ETV1: variants seen among roughly 807,000 people sequenced by gnomAD.
ETV1 encodes the protein ETS translocation variant 1.
ETV1 carries 27 observed loss-of-function variants against 62.3 expected under a neutral mutation model. The observed-to-expected ratio is 0.43, with a 90% CI of 0.32 to 0.60. The LOEUF is 0.60. Ranked by LOEUF, ETV1 falls within the 20% of genes least tolerant of loss-of-function variation. ETV1 has a pLI of 0.06. For synonymous variants in ETV1, 222 were observed against 199.6 expected (o/e 1.11, Z -0.94); for missense variants, 605 against 605.8 (o/e 1.00, Z 0.01).
chr7:13,957,526 A>G (rs75546309), intron 6 of ETV1, among the ~76,000 whole-genome samples: 7,054 of 152,276 alleles, frequency 0.046, 437 homozygotes, highest in African/African-American at 0.15. Context: ...GTAAACAATG[A>G]CAACAAATAG....
chr7:13,943,288 CAT>C (rs1314375171), intron 6 of ETV1, among the ~76,000 whole-genome samples: 1 of 152,194 alleles, frequency 6.6e-6, no homozygotes, highest in Non-Finnish European at 1.5e-5. Context: ...AAATAATCCA[CAT>C]GAGATTATCA....
chr7:13,911,366 A>T, intron 9 of ETV1, 59 bp from the exon 10 acceptor site: 1 of 1,165,428 alleles, frequency 8.6e-7, no homozygotes, highest in African/African-American at 1.5e-5. Flanking sequence ...TGCGGTTATC[A>T]ATGGACAGGG....
At chr7:13,948,097 T>G (rs1023717459) in intron 6 of ETV1, among the ~76,000 whole-genome samples, 1 of 152,238 alleles carries the variant, frequency 6.6e-6, no homozygotes, top group Non-Finnish European at 1.5e-5. Flanking sequence ...TTTATTACTG[T>G]GACCAAAGGC....
chr7:13,898,692 G>T (rs1782091730), intron 13 of ETV1, among the ~76,000 whole-genome samples: 1 of 151,996 alleles, frequency 6.6e-6, no homozygotes, highest in South Asian at 2.1e-4. Flanking sequence ...TTAAGTTAGT[G>T]AACAAATATA....
intron 6 of ETV1, among the ~76,000 whole-genome samples, chr7:13,971,312 G>A (rs1780884075): frequency 6.6e-6 from 1 of 152,178 alleles, no homozygotes; most frequent in African/African-American, 2.4e-5. Flanking sequence ...AAGAAACAAA[G>A]TGTAGTTATG....
At chr7:13,927,017 A>G (rs866291978) in intron 9 of ETV1, among the ~76,000 whole-genome samples, 2 of 152,218 alleles carry the variant, frequency 1.3e-5, no homozygotes, top group African/African-American at 4.8e-5. Flanking sequence ...GAGCACAATC[A>G]TAAGCTACCT....
chr7:13,913,878 CTTTTTTTTTTTTTT>C (rs544899107), intron 9 of ETV1, among the ~76,000 whole-genome samples: 1 of 87,968 alleles, frequency 1.1e-5, no homozygotes, highest in South Asian at 4.7e-4. Context: ...GGGGGTACCT[CTTTTTTTTTTTTTT>C]TTTTTTTTTT....
chr7:13,914,800 T>C (rs1293998655), intron 9 of ETV1, among the ~76,000 whole-genome samples: 1 of 152,180 alleles, frequency 6.6e-6, no homozygotes, highest in African/African-American at 2.4e-5. Flanking sequence ...GCTGCCTCTA[T>C]AGCAGAATGG....
intron 7 of ETV1, among the ~76,000 whole-genome samples, chr7:13,936,760 G>T (rs966358483): frequency 7.9e-5 from 12 of 152,028 alleles, no homozygotes; most frequent in Non-Finnish European, 1.3e-4. Flanking sequence ...ATTTCATTTT[G>T]CTGGGCGCAG....
intron 6 of ETV1, among the ~76,000 whole-genome samples, chr7:13,969,166 T>C (rs1216277544): frequency 1.3e-5 from 2 of 152,106 alleles, no homozygotes; most frequent in Non-Finnish European, 2.9e-5. Context: ...CTAATCAGCA[T>C]TGGGAAGTTC....
At chr7:13,990,852 C>G (rs747086349), upstream of ETV1, 16 of 152,202 alleles carry the variant, frequency 1.1e-4, no homozygotes, top group Non-Finnish European at 2.2e-4. Flanking sequence ...GGCAGCTGTT[C>G]CGCCCGTTAG....
intron 6 of ETV1, among the ~76,000 whole-genome samples, chr7:13,971,423 T>G (rs12112142): frequency 0.77 from 116,626 of 152,162 alleles, 45,423 homozygotes; most frequent in African/African-American, 0.91. Flanking sequence ...TGTATGGTCC[T>G]CTAGTATTGT....
chr7:13,980,529 C>A (rs1467783544), intron 5 of ETV1, among the ~76,000 whole-genome samples: 1 of 152,034 alleles, frequency 6.6e-6, no homozygotes, highest in African/African-American at 2.4e-5. Context: ...GAAAATGTTT[C>A]CCCACACTAT....
At chr7:13,901,803 C>A (rs939904820) in intron 12 of ETV1, among the ~76,000 whole-genome samples, 6 of 152,140 alleles carry the variant, frequency 3.9e-5, no homozygotes, top group African/African-American at 1.4e-4. Context: ...TGGAAAAGGT[C>A]ACCATGTATA....
At chr7:13,896,941 G>A (rs941888211) in intron 13 of ETV1, among the ~76,000 whole-genome samples, 1 of 151,962 alleles carries the variant, frequency 6.6e-6, no homozygotes, top group African/African-American at 2.4e-5. Context: ...AAAGTGAAAG[G>A]AATTTAAAAT....
intron 7 of ETV1, among the ~76,000 whole-genome samples, chr7:13,936,793 C>T (rs916868380): frequency 6.6e-6 from 1 of 152,118 alleles, no homozygotes; most frequent in African/African-American, 2.4e-5. Flanking sequence ...CTGATCCTAG[C>T]ACTTTGGGAG....
At chr7:13,970,397 C>G (rs1336924577) in intron 6 of ETV1, among the ~76,000 whole-genome samples, 1 of 151,964 alleles carries the variant, frequency 6.6e-6, no homozygotes, top group Non-Finnish European at 1.5e-5. Flanking sequence ...GTATAACTCT[C>G]AGGAATACTA....
At chr7:13,980,917 T>C (rs1002861249) in intron 5 of ETV1, among the ~76,000 whole-genome samples, 1 of 152,032 alleles carries the variant, frequency 6.6e-6, no homozygotes, top group African/African-American at 2.4e-5. Context: ...TTAACTAATA[T>C]TGCCTTAGAG....
At chr7:13,988,655 A>G (rs1376740344) in intron 3 of ETV1, 5 of 1,589,384 alleles carry the variant, frequency 3.1e-6, no homozygotes, top group East Asian at 4.5e-5. Flanking sequence ...CCATATAAAC[A>G]AAAAGTGTCA....
Sources: allele counts gnomAD v4.1 joint callset (sites outside exome capture counted in the v4.1 genomes callset), GRCh38; gene constraint gnomAD v4.1.1; transcripts MANE v1.5; gene names NCBI Gene and HGNC (gene_info 2026-07-23, HGNC 2026-07-21).